Variants in CNTN4 observed in about 807,000 individuals in gnomAD.
CNTN4 encodes the protein contactin 4.
CNTN4 carries 77 observed loss-of-function variants against 122.5 expected under a neutral mutation model. The observed-to-expected ratio is 0.63, with a 90% CI of 0.52 to 0.76. The LOEUF (loss-of-function observed/expected upper bound fraction) is 0.76. CNTN4 is among the 30% of genes least tolerant of loss of function. The pLI, the probability that CNTN4 is intolerant of heterozygous loss-of-function variation, is 0.00. For missense variants in CNTN4, 1,256 were observed against 1,259.1 expected, an observed-to-expected ratio of 1.00 and a Z score of 0.04; for synonymous variants, 512 against 447.0, an observed-to-expected ratio of 1.15 and a Z score of -1.83.
chr3:3,019,728 A>G (rs1488181085), intron 14 of CNTN4, among the ~76,000 whole-genome samples: 2 of 149,836 alleles, frequency 1.3e-5, no homozygotes, highest in Non-Finnish European at 3.0e-5. Flanking sequence ...ATTTGTGTGT[A>G]TATGGTAGGG....
intron 2 of CNTN4, among the ~76,000 whole-genome samples, chr3:2,106,564 G>C (rs553771202): frequency 5.3e-5 from 8 of 152,220 alleles, no homozygotes; most frequent in African/African-American, 1.7e-4. Context: ...TACAGCTGGA[G>C]TGGCTGGGAC....
intron 12 of CNTN4, among the ~76,000 whole-genome samples, chr3:2,909,674 T>C (rs1482611483): frequency 6.6e-6 from 1 of 152,214 alleles, no homozygotes; most frequent in Non-Finnish European, 1.5e-5. Context: ...ACTATTGCTT[T>C]AATTGATCAG....
At chr3:2,993,504 G>T (rs1259715853) in intron 14 of CNTN4, among the ~76,000 whole-genome samples, 1 of 151,548 alleles carries the variant, frequency 6.6e-6, no homozygotes, top group African/African-American at 2.4e-5. Flanking sequence ...TCACCATGTT[G>T]GTCAAGGCTG....
intron 3 of CNTN4, among the ~76,000 whole-genome samples, chr3:2,558,688 T>G (rs1359721104): frequency 1.3e-5 from 2 of 152,196 alleles, no homozygotes; most frequent in African/African-American, 4.8e-5. Context: ...GACACATAAA[T>G]TCTTAATTTC....
intron 19 of CNTN4, chr3:3,039,683 A>G (rs1699961789): frequency 3.7e-6 from 1 of 270,680 alleles, no homozygotes; most frequent in African/African-American, 2.2e-5. Context: ...CTATTTGGCA[A>G]TGGAAGAAGA....
intron 23 of CNTN4, 116 bp from the exon 24 acceptor site, chr3:3,053,691 G>C: frequency 9.8e-7 from 1 of 1,022,604 alleles, no homozygotes; most frequent in Non-Finnish European, 1.5e-6. Flanking sequence ...TGGGCAGCCA[G>C]ACAACCTCTA....
intron 12 of CNTN4, among the ~76,000 whole-genome samples, chr3:2,920,393 G>A (rs1161161866): frequency 4.6e-5 from 7 of 151,112 alleles, no homozygotes; most frequent in African/African-American, 1.7e-4. Flanking sequence ...TTTCCATGGT[G>A]CTTTTGCCCA....
At chr3:3,005,509 C>T (rs942547615) in intron 14 of CNTN4, among the ~76,000 whole-genome samples, 2 of 152,178 alleles carry the variant, frequency 1.3e-5, no homozygotes, top group Non-Finnish European at 2.9e-5. Context: ...AAATTATTTG[C>T]CACTTTTTAA....
At chr3:2,166,912 T>G (rs2149209182) in intron 2 of CNTN4, among the ~76,000 whole-genome samples, 1 of 152,074 alleles carries the variant, frequency 6.6e-6, no homozygotes, top group Non-Finnish European at 1.5e-5. Flanking sequence ...AAAGAAAGCT[T>G]CGATAGTAGA....
chr3:2,131,407 G>T (rs942907850), intron 2 of CNTN4, among the ~76,000 whole-genome samples: 3 of 152,114 alleles, frequency 2.0e-5, no homozygotes, highest in Non-Finnish European at 4.4e-5. Flanking sequence ...GGGGATAATT[G>T]GGGGAAAGAA....
chr3:3,019,434 C>T (rs1309150976), intron 14 of CNTN4, among the ~76,000 whole-genome samples: 1 of 151,944 alleles, frequency 6.6e-6, no homozygotes, highest in East Asian at 1.9e-4. Context: ...GTAGCTGGGA[C>T]TACAGGTGTA....
intron 2 of CNTN4, among the ~76,000 whole-genome samples, chr3:2,194,297 C>G (rs2037734153): frequency 6.6e-6 from 1 of 151,896 alleles, no homozygotes; most frequent in Non-Finnish European, 1.5e-5. Context: ...GATCCCATCT[C>G]TTAAAAAAAA....
At chr3:2,388,054 TTTAGC>T (rs1209032621) in intron 3 of CNTN4, among the ~76,000 whole-genome samples, 1 of 152,220 alleles carries the variant, frequency 6.6e-6, no homozygotes, top group Admixed American at 6.5e-5. Context: ...TTATTGGAAA[TTTAGC>T]TTAGTAGAGC....
At chr3:2,596,278 C>G (rs73110666) in intron 4 of CNTN4, among the ~76,000 whole-genome samples, 1 of 152,256 alleles carries the variant, frequency 6.6e-6, no homozygotes, top group African/African-American at 2.4e-5. Context: ...TTCCTACAAA[C>G]ATTGATTTAC....
intron 5 of CNTN4, among the ~76,000 whole-genome samples, chr3:2,737,591 A>G (rs1423747762): frequency 1.3e-5 from 2 of 152,238 alleles, no homozygotes; most frequent in African/African-American, 4.8e-5. Flanking sequence ...ACTGGCAGGA[A>G]AGTAAGAAAT....
At chr3:2,504,733 A>C (rs1357109723) in intron 3 of CNTN4, among the ~76,000 whole-genome samples, 1 of 152,182 alleles carries the variant, frequency 6.6e-6, no homozygotes, top group South Asian at 2.1e-4. Context: ...CAACAGGACA[A>C]ATTGACCATA....
At chr3:2,388,792 C>G (rs2046338475) in intron 3 of CNTN4, among the ~76,000 whole-genome samples, 1 of 151,786 alleles carries the variant, frequency 6.6e-6, no homozygotes, top group Non-Finnish European at 1.5e-5. Flanking sequence ...TTGCAGTGAA[C>G]CGAGATCTCA....
intron 13 of CNTN4, among the ~76,000 whole-genome samples, chr3:2,936,606 C>T (rs532146125): frequency 2.0e-5 from 3 of 152,204 alleles, no homozygotes; most frequent in South Asian, 2.1e-4. Flanking sequence ...TTGAGCCACA[C>T]GGACCTTCTC....
Position 2,767,438 on chromosome 3 carries a change from G to A in CNTN4, c.358+21741G>A, listed in dbSNP as rs536098715. On this transcript the variant is annotated intron_variant, in intron 6 of 24. Transcript: ENST00000418658. ...GATTTTTAAAATAAACGAATTGTTT[G>A]CTTCAGCTAATCAGGGACTAGTTAG... 9.8e-5 allele frequency among the ~76,000 whole-genome samples: 15 copies of A among 152,318 alleles called. No homozygotes were observed. In the East Asian group the frequency reaches 2.1e-3, roughly 22 times the overall value.
Sources: allele counts gnomAD v4.1 joint callset (sites outside exome capture counted in the v4.1 genomes callset), GRCh38; gene constraint gnomAD v4.1.1; transcripts MANE v1.5; gene names NCBI Gene and HGNC (gene_info 2026-07-23, HGNC 2026-07-21).